Variants in AEBP2 observed in about 807,000 individuals in gnomAD.
AEBP2 encodes the protein zinc finger protein AEBP2.
In AEBP2, 10 loss-of-function variants were observed where a neutral mutation model predicts 50.8. The ratio of observed to expected loss-of-function variants is 0.20; its 90% CI spans 0.12 to 0.33. The LOEUF (loss-of-function observed/expected upper bound fraction) is 0.33, where lower values mean the gene tolerates loss of function less well. AEBP2 is among the 10% of genes least tolerant of loss of function. AEBP2 has a pLI of 1.00. For missense variants in AEBP2, 570 were observed against 688.0 expected (o/e 0.83, Z 1.92); for synonymous variants, 296 against 261.3 (o/e 1.13, Z -1.28).
At chr12:19,419,856 G>A (rs11044550) in intron 1 of AEBP2, among the ~76,000 whole-genome samples, 3,341 of 151,122 alleles carry the variant, frequency 0.022, 48 homozygotes, top group East Asian at 0.045. Context: ...TTTGAACCCG[G>A]GAGGTGGAGG....
Position 19,518,398 on chromosome 12 carries a change from C to G in AEBP2, c.*281C>G, listed in dbSNP as rs1383700873. ...ACACTCTTTTGGCAACTTAGTAGAA[C>G]AGCTTCTTAAAGGCTTTGCATGCTT... On this transcript the variant is annotated 3_prime_UTR_variant, in exon 8 of 8. Coordinates refer to ENST00000266508, the MANE Select transcript of AEBP2 (RefSeq NM_153207.5). 8.1e-7 allele frequency: 1 copy of G among 1,228,990 alleles called. No individual in the cohort carries two copies. The highest frequency in any genetic ancestry group is 1.0e-6 in the Non-Finnish European group (1 of 984,432). The allele number at this position is 1,228,990 out of a possible 1,614,324, so 76.1% of individuals were successfully genotyped here. A position where few individuals can be genotyped will look rare whatever the true frequency, so the allele number is the denominator to read the frequency against.
At chr12:19,430,407 T>C (rs4457841) in intron 1 of AEBP2, among the ~76,000 whole-genome samples, 129,105 of 152,052 alleles carry the variant, frequency 0.85, 55,111 homozygotes, top group African/African-American at 0.93. Flanking sequence ...AGTCAGGTAG[T>C]GTGATGCCTC....
chr12:19,518,747 C>T lies in AEBP2; in HGVS notation c.*630C>T, dbSNP rs1364054600. 2.7e-6 allele frequency: 4 copies of T among 1,478,916 alleles called. No homozygotes were observed. The African/African-American group carries it at 4.2e-5, about 15-fold the overall frequency. The allele number at this position is 1,478,916 out of a possible 1,614,324, so 91.6% of individuals were successfully genotyped here. On this transcript the variant is annotated 3_prime_UTR_variant, in exon 8 of 8. Coordinates refer to ENST00000266508, the MANE Select transcript of AEBP2 (RefSeq NM_153207.5). ...CGACGTTTGCAATCAACTAAAAATTCGTCTATCGAATTAGGGCTGAAAATT... is the reference window on the plus strand; with the variant it reads ...CGACGTTTGCAATCAACTAAAAATTTGTCTATCGAATTAGGGCTGAAAATT...
chr12:19,497,703 A>G (rs572907048), intron 4 of AEBP2, among the ~76,000 whole-genome samples: 1 of 152,202 alleles, frequency 6.6e-6, no homozygotes, highest in South Asian at 2.1e-4. Context: ...AACTCCTGGT[A>G]TCAAGTGATC....
At chr12:19,427,818 T>C (rs767661204) in intron 1 of AEBP2, among the ~76,000 whole-genome samples, 11 of 152,026 alleles carry the variant, frequency 7.2e-5, no homozygotes, top group Middle Eastern at 3.4e-3. Flanking sequence ...GGACAGGAAA[T>C]TGAAGGATTT....
intron 1 of AEBP2, chr12:19,456,960 T>G: frequency 6.5e-7 from 1 of 1,531,766 alleles, no homozygotes; most frequent in South Asian, 1.1e-5. Flanking sequence ...GCAGCATGGT[T>G]CCACTGGTAT....
chr12:19,500,078 T>C lies in AEBP2; in HGVS notation c.1175-19T>C, dbSNP rs1949044122. On this transcript the variant is annotated intron_variant, in intron 4 of 7. Coordinates refer to ENST00000266508, the MANE Select transcript of AEBP2 (RefSeq NM_153207.5). The stretch of plus-strand genomic sequence containing the variant: ...TTATGTTTTTCTAAATATTCTTTAC[T>C]TTTTATGTTGACTTTTAGCACGGCC... The C allele has an allele frequency of 1.3e-6, 2 of 1,591,894 alleles. No homozygotes were observed. The highest frequency in any genetic ancestry group is 2.7e-5 in the African/African-American group (2 of 74,228).
chr12:19,445,080 A>G (rs991225720), intron 1 of AEBP2, among the ~76,000 whole-genome samples: 4 of 151,992 alleles, frequency 2.6e-5, no homozygotes, highest in Non-Finnish European at 2.9e-5. Context: ...GGGGACAATA[A>G]TGGTTCCTAT....
Position 19,500,108 on chromosome 12 carries a change from G to A in AEBP2, c.1186G>A (p.Asp396Asn). 1 of 1,605,312 alleles carries A rather than the reference G, an allele frequency of 6.2e-7. No homozygotes were observed. The highest frequency in any genetic ancestry group is 8.5e-7 in the Non-Finnish European group (1 of 1,176,144). The stretch of plus-strand genomic sequence containing the variant: ...ATGTTGACTTTTAGCACGGCCACAT[G>A]ATTTCTTCGATGCACAAACACTGGA... ...KRRRSLPRPH[D>N]FFDAQTLDAI... is the part of the protein sequence containing the mutation. The change falls in exon 5 of 8, where the codon GAT becomes AAT. Residue 396 changes from aspartate to asparagine, a missense_variant. By Grantham distance (23) the Asp-to-Asn change is conservative. This residue lies in a region of AEBP2 where 184 missense variants were observed against 351.2 expected (regional missense o/e 0.52). Transcript: ENST00000266508.
intron 4 of AEBP2, among the ~76,000 whole-genome samples, chr12:19,494,202 G>A (rs1157303616): frequency 1.3e-5 from 2 of 152,106 alleles, no homozygotes; most frequent in Non-Finnish European, 2.9e-5. Context: ...TATAAAATTA[G>A]ATTTGGGGGC....
intron 1 of AEBP2, among the ~76,000 whole-genome samples, chr12:19,444,175 A>C (rs1328990175): frequency 6.6e-6 from 1 of 152,198 alleles, no homozygotes; most frequent in Non-Finnish European, 1.5e-5. Flanking sequence ...AAAAATTTTA[A>C]ACATAATTTT....
chr12:19,457,141 T>A, intron 1 of AEBP2: 1 of 1,598,040 alleles, frequency 6.3e-7, no homozygotes, highest in Non-Finnish European at 8.5e-7. Flanking sequence ...CTCATATCTC[T>A]TCTGGCTGTA....
chr12:19,489,681 A>G (rs954722028), intron 3 of AEBP2, among the ~76,000 whole-genome samples: 2 of 152,218 alleles, frequency 1.3e-5, no homozygotes, highest in Non-Finnish European at 2.9e-5. Context: ...TGTAAAGAGG[A>G]TGGTACTAGA....
At chr12:19,408,621 G>T (rs978308056) in intron 1 of AEBP2, among the ~76,000 whole-genome samples, 2 of 151,862 alleles carry the variant, frequency 1.3e-5, no homozygotes, top group South Asian at 4.2e-4. Context: ...AAAATGCAAG[G>T]CCGGGCGCGG....
At position 19,415,333 on chromosome 12, in the gene AEBP2, AAAAAAAAAAAAAAAAAAATATATAT is replaced by A. The variant is rs2095741721; in HGVS notation, c.-17+11119_-17+11143del. On this transcript the variant is annotated intron_variant, in intron 1 of 3. Transcript: ENST00000538425. ...CCCTGTCTCAAAAAAAAAAAAAAAA[AAAAAAAAAAAAAAAAAAATATATAT>A]ATATATATATATATATATATGAAAA... Among the ~76,000 whole-genome samples the A allele has an allele frequency of 7.3e-5, 3 of 41,288 alleles. No homozygotes were observed. In the South Asian group the frequency reaches 2.5e-3, roughly 35 times the overall value. 27.1% of individuals were successfully genotyped at this position (41,288 alleles called of 152,430 possible).
At chr12:19,513,831 C>T (rs1291238900) in intron 6 of AEBP2, among the ~76,000 whole-genome samples, 1 of 148,264 alleles carries the variant, frequency 6.7e-6, no homozygotes, top group Non-Finnish European at 1.5e-5. Context: ...TATCAAAATA[C>T]ATTCATTTGA....
At chr12:19,440,736 CT>C (rs1287280691) in intron 1 of AEBP2, 18 of 1,533,464 alleles carry the variant, frequency 1.2e-5, no homozygotes, top group Non-Finnish European at 1.6e-5. Context: ...AGGTTAGCTT[CT>C]TCCAACCGTG....
intron 5 of AEBP2, among the ~76,000 whole-genome samples, chr12:19,509,751 A>T (rs1379481548): frequency 6.6e-6 from 1 of 152,026 alleles, no homozygotes; most frequent in Non-Finnish European, 1.5e-5. Flanking sequence ...CTTGAAAAAT[A>T]AAAGTGAAAT....
chr12:19,440,515 T>C, intron 1 of AEBP2, 145 bp downstream of exon 1: 3 of 1,382,896 alleles, frequency 2.2e-6, no homozygotes, highest in Non-Finnish European at 2.8e-6. Context: ...CGGAAATCTC[T>C]CGCCGTCGCC....
Sources: gnomAD v4.1 joint callset for allele counts (sites outside exome capture counted in the v4.1 genomes callset) on GRCh38, gnomAD v4.1.1 for gene constraint, gnomAD v4.1.1 regional missense constraint, MANE v1.5 for transcripts, NCBI Gene and HGNC (gene_info 2026-07-23, HGNC 2026-07-21) for gene names.